Variants in ZFHX3 observed in about 807,000 individuals in gnomAD.
The protein encoded by ZFHX3 is zinc finger homeobox 3, also known as zinc finger homeobox protein 3.
In ZFHX3, 42 loss-of-function variants were observed where a neutral mutation model predicts 279.1. That is an observed-to-expected ratio of 0.15 (90% CI 0.12 to 0.19). The LOEUF is 0.19. ZFHX3 is among the 10% of genes least tolerant of loss of function. ZFHX3 has a pLI of 1.00. For synonymous variants in ZFHX3, 2,293 were observed against 1,957.8 expected (o/e 1.17, Z -4.52); for missense variants, 4,981 against 4,754.0 (o/e 1.05, Z -1.40).
At chr16:73,149,440 G>GTTAATTAATTCAGTTGGCCA (rs1567402984) in intron 5 of ZFHX3, among the ~76,000 whole-genome samples, 1 of 151,704 alleles carries the variant, frequency 6.6e-6, no homozygotes, top group Non-Finnish European at 1.5e-5. Flanking sequence ...TGACATTTCC[G>GTTAATTAATTCAGTTGGCCA]CTTATTAGTT....
At chr16:73,083,825 G>C (rs1001342437) in intron 8 of ZFHX3, among the ~76,000 whole-genome samples, 1 of 152,056 alleles carries the variant, frequency 6.6e-6, no homozygotes, top group Non-Finnish European at 1.5e-5. Context: ...CACCATGCCC[G>C]GCCTTTCCTA....
chr16:73,288,173 G>A (rs1016975671), intron 4 of ZFHX3, among the ~76,000 whole-genome samples: 5 of 151,734 alleles, frequency 3.3e-5, no homozygotes, highest in African/African-American at 9.7e-5. Flanking sequence ...ACCCCATGGA[G>A]GGAGGGAGGG....
chr16:72,979,341 T>C (rs1262773690), intron 1 of ZFHX3, among the ~76,000 whole-genome samples: 1 of 152,136 alleles, frequency 6.6e-6, no homozygotes, highest in Non-Finnish European at 1.5e-5. Flanking sequence ...ACCTAAGGCC[T>C]ATGGAAAAAA....
chr16:73,859,173 T>C (rs1961816928), intron 1 of ZFHX3, among the ~76,000 whole-genome samples: 2 of 152,190 alleles, frequency 1.3e-5, no homozygotes, highest in African/African-American at 4.8e-5. Context: ...TGAGGACTGA[T>C]GTCCCCAGTT....
intron 4 of ZFHX3, among the ~76,000 whole-genome samples, chr16:72,874,198 ATTTTTTTTTT>A (rs565664402): frequency 0.03 from 2,825 of 95,146 alleles, 41 homozygotes; most frequent in Middle Eastern, 0.093. Flanking sequence ...GGATTTTTTG[ATTTTTTTTTT>A]TTTTTTTTTT....
chr16:73,447,870 C>A (rs762307994), intron 3 of ZFHX3, among the ~76,000 whole-genome samples: 1 of 152,168 alleles, frequency 6.6e-6, no homozygotes, highest in Non-Finnish European at 1.5e-5. Flanking sequence ...CAGACTAAAG[C>A]TTTGCTGAAA....
intron 1 of ZFHX3, among the ~76,000 whole-genome samples, chr16:73,695,702 G>C (rs77635821): frequency 0.015 from 2,244 of 152,264 alleles, 49 homozygotes; most frequent in African/African-American, 0.051. Context: ...TCCCAGGGCT[G>C]CCAAGAGAAT....
chr16:72,822,103 A>G (rs1352873557), intron 5 of ZFHX3: 1 of 152,244 alleles, frequency 6.6e-6, no homozygotes, highest in Non-Finnish European at 1.5e-5. Flanking sequence ...CAGAAAGTAG[A>G]ATAACTTGGA....
chr16:72,896,158 TG>T (rs1249495876), intron 3 of ZFHX3, among the ~76,000 whole-genome samples: 1 of 152,200 alleles, frequency 6.6e-6, no homozygotes, highest in Non-Finnish European at 1.5e-5. Context: ...ACTGGAAATT[TG>T]GCACACGTTC....
chr16:73,816,902 A>G (rs965253829), intron 1 of ZFHX3, among the ~76,000 whole-genome samples: 1 of 152,346 alleles, frequency 6.6e-6, no homozygotes, highest in East Asian at 1.9e-4. Flanking sequence ...GAGAGTTGAC[A>G]AAACAGAAGA....
intron 5 of ZFHX3, among the ~76,000 whole-genome samples, chr16:73,187,732 G>A (rs555984760): frequency 6.6e-6 from 1 of 152,218 alleles, no homozygotes; most frequent in African/African-American, 2.4e-5. Context: ...CTTTGTTCAC[G>A]TGAAGTGGTG....
At chr16:73,458,831 C>T (rs1252786892) in intron 2 of ZFHX3, among the ~76,000 whole-genome samples, 1 of 152,168 alleles carries the variant, frequency 6.6e-6, no homozygotes. Flanking sequence ...ATTAAGGAAT[C>T]AATATCATTT....
intron 8 of ZFHX3, among the ~76,000 whole-genome samples, chr16:73,066,033 CT>C (rs1965747802): frequency 6.6e-6 from 1 of 152,222 alleles, no homozygotes; most frequent in African/African-American, 2.4e-5. Context: ...CACACTGGGC[CT>C]GGAGCGCACT....
intron 4 of ZFHX3, among the ~76,000 whole-genome samples, chr16:72,839,145 T>A (rs1241740562): frequency 1.3e-5 from 2 of 152,122 alleles, no homozygotes; most frequent in African/African-American, 4.8e-5. Context: ...CAGAGCGTGA[T>A]GTGATTGTGT....
intron 2 of ZFHX3, among the ~76,000 whole-genome samples, chr16:73,458,339 T>G (rs2143575059): frequency 7.9e-6 from 1 of 126,654 alleles, no homozygotes; most frequent in East Asian, 2.8e-4. Context: ...CCTCCCTCCC[T>G]TCCTCCCTCC....
intron 5 of ZFHX3, among the ~76,000 whole-genome samples, chr16:73,164,661 C>A (rs1437489286): frequency 6.7e-6 from 1 of 149,670 alleles, no homozygotes; most frequent in Non-Finnish European, 1.5e-5. Flanking sequence ...GATTGCACCA[C>A]TGCACTCCAG....
In ZFHX3 at chr16:73,725,540, A is replaced by AGTGAGTGTGT. The variant is rs147139764; in HGVS notation, c.-1607-45301_-1607-45300insACACACTCAC. 2.9e-3 allele frequency among the ~76,000 whole-genome samples: 430 copies of AGTGAGTGTGT among 148,348 alleles called. 2 individuals carry two copies. The highest frequency in any genetic ancestry group is 3.4e-3 in the Middle Eastern group (1 of 290). ...CTCCAACAGAGTGTGAGTGTGAGTG[A>AGTGAGTGTGT]GTGTGTGTGTGTGTGTGTGTGTGTG... On this transcript the variant is annotated intron_variant, in intron 1 of 17. Transcript: ENST00000641206.
chr16:73,151,754 A>G (rs1016210227), intron 5 of ZFHX3, among the ~76,000 whole-genome samples: 2 of 152,142 alleles, frequency 1.3e-5, no homozygotes, highest in Non-Finnish European at 2.9e-5. Flanking sequence ...TCCAATCTCC[A>G]TGGGTTCCTT....
chr16:73,012,183 G>C (rs945942233), intron 1 of ZFHX3, among the ~76,000 whole-genome samples: 1 of 152,164 alleles, frequency 6.6e-6, no homozygotes, highest in African/African-American at 2.4e-5. Flanking sequence ...CAAAACACCT[G>C]GTGGAATAGG....
Sources: gnomAD v4.1 joint callset for allele counts (sites outside exome capture counted in the v4.1 genomes callset) on GRCh38, gnomAD v4.1.1 for gene constraint, MANE v1.5 for transcripts, NCBI Gene and HGNC (gene_info 2026-07-23, HGNC 2026-07-21) for gene names.